Variants in NLRP8 observed in about 807,000 individuals in gnomAD.
The protein encoded by NLRP8 is NACHT, LRR and PYD domains-containing protein 8.
A neutral mutation model predicts 88.7 loss-of-function variants in NLRP8; 86 were observed. The observed-to-expected ratio is 0.97, with a 90% confidence interval of 0.81 to 1.16. The LOEUF (loss-of-function observed/expected upper bound fraction) is 1.16. Ranked by LOEUF, NLRP8 falls within the 50% of genes most tolerant of loss-of-function variation. The pLI is 0.00. For synonymous variants in NLRP8, 504 were observed against 494.6 expected (o/e 1.02, Z -0.25); for missense variants, 1,342 against 1,286.5 (o/e 1.04, Z -0.66).
chr19:55,986,362 TCA>T (rs777065004), intron 9 of NLRP8, among the ~76,000 whole-genome samples: 34 of 148,804 alleles, frequency 2.3e-4, no homozygotes, highest in African/African-American at 5.0e-4. Context: ...TCACACCCAC[TCA>T]CACAGTCTCA....
intron 3 of NLRP8, among the ~76,000 whole-genome samples, chr19:55,960,414 G>T (rs1455870510): frequency 6.6e-6 from 1 of 152,148 alleles, no homozygotes; most frequent in Non-Finnish European, 1.5e-5. Context: ...TCCAGTCCCT[G>T]AGGACCTTTT....
At chr19:55,979,292 C>A in intron 8 of NLRP8, 102 bp from the exon 9 acceptor site, 1 of 1,252,428 alleles carries the variant, frequency 8.0e-7, no homozygotes, top group South Asian at 1.3e-5. Flanking sequence ...ATTACACATT[C>A]CTGTCAGTGT....
At chr19:55,983,216 C>T (rs745586988) in intron 9 of NLRP8, among the ~76,000 whole-genome samples, 2 of 152,060 alleles carry the variant, frequency 1.3e-5, no homozygotes, top group Non-Finnish European at 2.9e-5. Flanking sequence ...GTAATCCCAG[C>T]ATTTTGGGAA....
At position 55,962,110 on chromosome 19, in the gene NLRP8, T is replaced by C. The variant is rs749323279; in HGVS notation, c.2086T>C (p.Cys696Arg). 1.2e-6 allele frequency: 2 copies of C among 1,614,194 alleles called. No individual in the cohort carries two copies. Among genetic ancestry groups the C allele is most frequent in the South Asian group, 1.1e-5 (1 of 91,076 alleles). The change falls in exon 4 of 10, where the codon TGC (cysteine) becomes CGC (arginine). Residue 696 changes from cysteine to arginine, a missense_variant. Physicochemically the swap from Cys to Arg is radical, Grantham distance 180. Coordinates refer to ENST00000291971, the MANE Select transcript of NLRP8 (RefSeq NM_176811.2). ...GCTGCATCGTTGGTGGCAAGACTTA[T>C]GCTCTGTGTTTGCAACGAATGATAA... is the stretch of plus-strand genomic sequence containing the variant.
intron 3 of NLRP8, 148 bp downstream of exon 3, chr19:55,956,248 T>G: frequency 1.2e-6 from 1 of 856,202 alleles, no homozygotes; most frequent in Non-Finnish European, 1.7e-6. Flanking sequence ...TTGTTTTGTT[T>G]TGTTTTGTTT....
rs1485813958 is a variant in NLRP8 at position 55,948,180 on chromosome 19, C to T, written c.278C>T (p.Pro93Leu). ...GTTCATCTCTTGATAGAGCGTTTCC[C>T]TGGACGACGCGCTTGGGATGTGACT... is the stretch of plus-strand genomic sequence containing the variant. Residue 93 changes from proline (P) to leucine (L), a missense_variant, in exon 1 of 10, where the codon CCT becomes CTT. Transcript: ENST00000291971. 1 of 1,614,166 alleles carries T rather than the reference C, an allele frequency of 6.2e-7. No individual in the cohort carries two copies. Among genetic ancestry groups the T allele is most frequent in the Admixed American group, 1.7e-5 (1 of 60,000 alleles).
Position 55,948,011 on chromosome 19 carries a change from T to A in NLRP8, c.109T>A (p.Cys37Ser). The A allele has an allele frequency of 1.2e-6, 2 of 1,613,972 alleles. No individual in the cohort carries two copies. Among genetic ancestry groups the A allele is most frequent in the Non-Finnish European group, 1.7e-6 (2 of 1,180,004 alleles). Residue 37 changes from cysteine to serine, a missense_variant, in exon 1 of 10, where the codon TGT becomes AGT. Cys to Ser is a moderately radical substitution (Grantham distance 112). Transcript: ENST00000291971. Reference sequence around the variant, plus strand: ...ATTCTCTTGCTACCCCGGCTCCCCATGTGAAAATGGGGTCATGCTGTACAT... The same window carrying A: ...ATTCTCTTGCTACCCCGGCTCCCCAAGTGAAAATGGGGTCATGCTGTACAT...
At chr19:55,971,755 C>T (rs1361665807) in intron 6 of NLRP8, among the ~76,000 whole-genome samples, 1 of 152,082 alleles carries the variant, frequency 6.6e-6, no homozygotes, top group Non-Finnish European at 1.5e-5. Flanking sequence ...GGTTTGTTTC[C>T]AGAGTGTACG....
chr19:55,971,307 G>T (rs1980063326), intron 6 of NLRP8, among the ~76,000 whole-genome samples: 15 of 151,890 alleles, frequency 9.9e-5, no homozygotes, highest in Admixed American at 9.8e-4. Flanking sequence ...AGGTGTGGTG[G>T]CACGCACCTA....
chr19:55,948,732 C>A (rs1405049491), intron 1 of NLRP8, among the ~76,000 whole-genome samples: 1 of 152,206 alleles, frequency 6.6e-6, no homozygotes, highest in Non-Finnish European at 1.5e-5. Flanking sequence ...GCCACTGTGC[C>A]CAGCCCATAT....
rs1405559301 is a variant in NLRP8, at chr19:55,973,832, A to T, written c.2705+10A>T. The T allele has an allele frequency of 6.2e-7, 1 of 1,603,376 alleles. No individual in the cohort carries two copies. Among genetic ancestry groups the T allele is most frequent in the Admixed American group, 1.7e-5 (1 of 59,328 alleles). ...CTCTGCAGAGGCTGGTGTAAGTCCC[A>T]GAATGTTTTCTTCTCTGAATTCCCT... On this transcript the variant is annotated intron_variant, in intron 7 of 9. Coordinates refer to ENST00000291971, the MANE Select transcript of NLRP8 (RefSeq NM_176811.2).
rs187833241 is a variant in NLRP8, at chr19:55,957,829, C to T, written c.2042+1729C>T. On this transcript the variant is annotated intron_variant, in intron 3 of 9. Coordinates refer to ENST00000291971, the MANE Select transcript of NLRP8 (RefSeq NM_176811.2). ...AACTGTTACCACTCATGTAATTCCTCATCCCCTCCACTCGACCAAAACTCT... is the reference window on the plus strand; with the variant it reads ...AACTGTTACCACTCATGTAATTCCTTATCCCCTCCACTCGACCAAAACTCT... Among the ~76,000 whole-genome samples, 569 of 151,400 alleles carry T rather than the reference C, an allele frequency of 3.8e-3. 2 individuals are homozygous for T. Among genetic ancestry groups the T allele is most frequent in the African/African-American group, 8.7e-3 (360 of 41,146 alleles).
intron 2 of NLRP8, 83 bp from the exon 3 acceptor site, chr19:55,954,418 A>G (rs765867016): frequency 2.2e-6 from 3 of 1,376,630 alleles, no homozygotes; most frequent in Non-Finnish European, 3.0e-6. Context: ...GTAGACATCG[A>G]GACTGGTTTT....
chr19:55,982,104 A>G (rs573006755), intron 9 of NLRP8, among the ~76,000 whole-genome samples: 5 of 152,210 alleles, frequency 3.3e-5, no homozygotes, highest in African/African-American at 9.6e-5. Flanking sequence ...GGGTTTCACC[A>G]CGTTGGCCAG....
At chr19:55,956,128 G>GC in intron 3 of NLRP8, 28 bp downstream of exon 3, 1 of 1,589,340 alleles carries the variant, frequency 6.3e-7, no homozygotes, top group African/African-American at 1.3e-5. Flanking sequence ...TCCTTGGGTA[G>GC]CCCGTCCTAC....
chr19:55,957,547 A>G (rs1193231220), intron 3 of NLRP8, among the ~76,000 whole-genome samples: 5 of 151,622 alleles, frequency 3.3e-5, no homozygotes, highest in African/African-American at 7.3e-5. Context: ...TTAGCCAGGC[A>G]TGGTGGCGGG....
intron 8 of NLRP8, among the ~76,000 whole-genome samples, chr19:55,978,352 T>C (rs774657281): frequency 1.3e-5 from 2 of 152,148 alleles, no homozygotes; most frequent in Non-Finnish European, 2.9e-5. Flanking sequence ...TCATGGACCC[T>C]ATCTGTCTTA....
Position 55,955,041 on chromosome 19 carries a change from C to A in NLRP8, c.983C>A (p.Ala328Asp). ...CTGAGCAAAACGATGCTTCCAGAGG[C>A]CACGCTACTGATCATGATAAGATTT... Residue 328 changes from alanine to aspartate, a missense_variant, in exon 3 of 10, where the codon GCC becomes GAC. By Grantham distance (126) the Ala-to-Asp change is moderately radical. Transcript: ENST00000291971. 1.2e-6 allele frequency: 2 copies of A among 1,614,112 alleles called. No individual in the cohort carries two copies. Among genetic ancestry groups the A allele is most frequent in the South Asian group, 1.1e-5 (1 of 91,080 alleles).
chr19:55,948,681 G>T (rs149482142), intron 1 of NLRP8, among the ~76,000 whole-genome samples: 4 of 152,088 alleles, frequency 2.6e-5, no homozygotes, highest in Non-Finnish European at 5.9e-5. Flanking sequence ...CAGGTAATCC[G>T]CCTGCCTTGG....
Sources: allele counts gnomAD v4.1 joint callset (sites outside exome capture counted in the v4.1 genomes callset), GRCh38; gene constraint gnomAD v4.1.1; transcripts MANE v1.5; gene names NCBI Gene and HGNC (gene_info 2026-07-23, HGNC 2026-07-21).